Variants in LIPA observed in about 807,000 individuals in gnomAD.
LIPA encodes lysosomal acid lipase/cholesteryl ester hydrolase.
LIPA carries 26 observed loss-of-function variants against 40.6 expected under a neutral mutation model. The ratio of observed to expected loss-of-function variants is 0.64; its 90% CI spans 0.47 to 0.89. LIPA has a LOEUF of 0.89. Ranked by LOEUF, LIPA falls within the 40% of genes least tolerant of loss-of-function variation. The pLI, the probability that LIPA is intolerant of heterozygous loss-of-function variation, is 0.00. For synonymous variants in LIPA, 188 were observed against 168.4 expected (o/e 1.12, Z -0.90); for missense variants, 455 against 479.6 (o/e 0.95, Z 0.48).
At chr10:89,327,574 A>G (rs1325479686) in intron 1 of LIPA, among the ~76,000 whole-genome samples, 3 of 152,088 alleles carry the variant, frequency 2.0e-5, no homozygotes, top group Non-Finnish European at 2.9e-5. Context: ...AACAAAAACA[A>G]AAAAAGAGTG....
At chr10:89,274,103 T>C (rs1259615387) in intron 1 of LIPA, among the ~76,000 whole-genome samples, 1 of 152,206 alleles carries the variant, frequency 6.6e-6, no homozygotes, top group Non-Finnish European at 1.5e-5. Context: ...CACATAAAAC[T>C]ATAGGAACTA....
intron 1 of LIPA, among the ~76,000 whole-genome samples, chr10:89,266,300 T>A (rs1011370897): frequency 3.3e-5 from 5 of 150,092 alleles, no homozygotes; most frequent in Non-Finnish European, 7.4e-5. Context: ...TATGTGTGAA[T>A]TAATGTAAGA....
chr10:89,302,018 T>C, intron 1 of LIPA: 2 of 1,251,918 alleles, frequency 1.6e-6, no homozygotes, highest in South Asian at 2.6e-5. Context: ...GCCACTTGTA[T>C]ATATAGGTCT....
upstream of LIPA, among the ~76,000 whole-genome samples, chr10:89,254,136 A>G (rs887316094): frequency 1.3e-5 from 2 of 152,246 alleles, no homozygotes; most frequent in Non-Finnish European, 2.9e-5. Context: ...TGCACTAGGC[A>G]GTGCCCCATT....
At chr10:89,312,708 C>A (rs1208246787) in intron 1 of LIPA, among the ~76,000 whole-genome samples, 2 of 151,552 alleles carry the variant, frequency 1.3e-5, no homozygotes, top group Non-Finnish European at 2.9e-5. Flanking sequence ...ACTCGGGAGG[C>A]TGAGGCAGGA....
chr10:89,315,173 C>A (rs1843535215), intron 1 of LIPA, among the ~76,000 whole-genome samples: 1 of 152,166 alleles, frequency 6.6e-6, no homozygotes, highest in Non-Finnish European at 1.5e-5. Context: ...ATATGGGACC[C>A]TCTAAAGCAC....
chr10:89,242,841 C>T (rs1363107533), intron 3 of LIPA, among the ~76,000 whole-genome samples: 1 of 152,176 alleles, frequency 6.6e-6, no homozygotes, highest in Non-Finnish European at 1.5e-5. Context: ...TACGAGGAGC[C>T]TTGAAAATGG....
intron 2 of LIPA, among the ~76,000 whole-genome samples, chr10:89,401,773 C>T (rs1290278777): frequency 8.3e-6 from 1 of 120,424 alleles, no homozygotes; most frequent in East Asian, 2.5e-4. Flanking sequence ...GTAATTATTT[C>T]CAAGTAAAAA....
chr10:89,353,300 A>G (rs1339441571), intron 2 of LIPA, among the ~76,000 whole-genome samples: 1 of 152,192 alleles, frequency 6.6e-6, no homozygotes, highest in African/African-American at 2.4e-5. Context: ...GCAGAGTTTA[A>G]CTGGTATATG....
At chr10:89,383,533 A>C in intron 2 of LIPA, 1 of 1,614,240 alleles carries the variant, frequency 6.2e-7, no homozygotes, top group Non-Finnish European at 8.5e-7. Flanking sequence ...AGCCCTGGTC[A>C]GCTTGAAAAA....
At chr10:89,332,590 C>T in intron 1 of LIPA, 4 of 1,614,074 alleles carry the variant, frequency 2.5e-6, no homozygotes, top group Non-Finnish European at 3.4e-6. Flanking sequence ...AACCGGGACC[C>T]CAGCTTTTCA....
chr10:89,367,481 T>C (rs1420444484), intron 2 of LIPA, among the ~76,000 whole-genome samples: 2 of 152,260 alleles, frequency 1.3e-5, no homozygotes, highest in African/African-American at 4.8e-5. Context: ...TTCCCATTAC[T>C]GGCTCATCTA....
chr10:89,255,041 T>G, upstream of LIPA, among the ~76,000 whole-genome samples: 1 of 152,236 alleles, frequency 6.6e-6, no homozygotes, highest in East Asian at 1.9e-4. Context: ...CACGTCTTCC[T>G]GACTTCTTCT....
chr10:89,363,774 C>CAAAAAA (rs760221407), intron 2 of LIPA, among the ~76,000 whole-genome samples: 8 of 93,088 alleles, frequency 8.6e-5, no homozygotes, highest in Admixed American at 1.3e-4. Flanking sequence ...CAGACTCCAT[C>CAAAAAA]AAAAAAAAAA....
intron 1 of LIPA, among the ~76,000 whole-genome samples, chr10:89,287,508 CCACATCT>C (rs2133503239): frequency 6.6e-6 from 1 of 152,254 alleles, no homozygotes; most frequent in Admixed American, 6.5e-5. Context: ...TAAACTACAG[CCACATCT>C]CATTGCCACC....
chr10:89,311,468 T>C lies in LIPA; in HGVS notation c.-2+31143A>G, dbSNP rs574120073. Among the ~76,000 whole-genome samples, 10 of 145,630 alleles carry C rather than the reference T, an allele frequency of 6.9e-5. No individual in the cohort carries two copies. The East Asian group carries it at 2.0e-3, about 30-fold the overall frequency. ...TCTCATGAACCTGGGAGGTGGTAGTTGCAGTGAGATGGTACCACTGCACTC... is the reference window on the plus strand; with the variant it reads ...TCTCATGAACCTGGGAGGTGGTAGTCGCAGTGAGATGGTACCACTGCACTC... On this transcript the variant is annotated intron_variant, in intron 1 of 5. Coordinates refer to the LIPA transcript ENST00000282673.
At chr10:89,339,808 G>A (rs1349878115) in intron 1 of LIPA, 9 of 1,613,956 alleles carry the variant, frequency 5.6e-6, no homozygotes, top group Non-Finnish European at 7.6e-6. Flanking sequence ...TGGTTTAGAG[G>A]GTTTGTCCAT....
chr10:89,288,915 T>A (rs954938368), intron 1 of LIPA, among the ~76,000 whole-genome samples: 2 of 152,150 alleles, frequency 1.3e-5, no homozygotes, highest in East Asian at 3.8e-4. Context: ...GCAAGGGTCC[T>A]CCATCATTAA....
chr10:89,383,451 G>A (rs1486831435), intron 2 of LIPA: 1 of 1,614,144 alleles, frequency 6.2e-7, no homozygotes, highest in Non-Finnish European at 8.5e-7. Flanking sequence ...TTCAGTTCCT[G>A]GACACCAAAT....
Sources: allele counts gnomAD v4.1 joint callset (sites outside exome capture counted in the v4.1 genomes callset), GRCh38; gene constraint gnomAD v4.1.1; transcripts MANE v1.5; gene names NCBI Gene and HGNC (gene_info 2026-07-23, HGNC 2026-07-21).